Variants in UBA7 observed in about 807,000 individuals in gnomAD.
UBA7 encodes ubiquitin-like modifier-activating enzyme 7.
A neutral mutation model predicts 113.0 loss-of-function variants in UBA7; 88 were observed. The ratio of observed to expected loss-of-function variants is 0.78; its 90% CI spans 0.66 to 0.93. The LOEUF (loss-of-function observed/expected upper bound fraction) is 0.93, where lower values mean the gene tolerates loss of function less well. Ranked by LOEUF, UBA7 falls within the 40% of genes least tolerant of loss-of-function variation. The probability of loss-of-function intolerance (pLI) is 0.00; values close to 1 mark genes in which losing one functional copy is unlikely to be tolerated. For missense variants in UBA7, 1,092 were observed against 1,266.4 expected (o/e 0.86, Z 2.09); for synonymous variants, 459 against 513.0 (o/e 0.89, Z 1.42).
In UBA7 at chr3:49,807,942, A is replaced by G; in HGVS notation, c.2524-15T>C. Reference sequence around the variant, plus strand: ...ATTCGCTTGCTCTGCCAAGGACAAGAGATTTGGTCTGGGCCCAAGGCGTAG... The same window carrying G: ...ATTCGCTTGCTCTGCCAAGGACAAGGGATTTGGTCTGGGCCCAAGGCGTAG... On this transcript the variant is annotated splice_polypyrimidine_tract_variant and intron_variant, in intron 20 of 23. Coordinates refer to ENST00000333486, the MANE Select transcript of UBA7 (RefSeq NM_003335.3). The surrounding 1 kb of genome is among the most constrained non-coding windows in gnomAD (Gnocchi z 4.0). 4.3e-6 allele frequency: 7 copies of G among 1,612,884 alleles called. No individual in the cohort carries two copies. Among genetic ancestry groups the G allele is most frequent in the Non-Finnish European group, 5.9e-6 (7 of 1,178,980 alleles).
intron 2 of UBA7, 36 bp from the exon 3 acceptor site, chr3:49,813,419 C>T (rs766982294): frequency 1.9e-6 from 3 of 1,609,852 alleles, no homozygotes; most frequent in Middle Eastern, 1.7e-4. Context: ...AGCAAAGACA[C>T]TCCTCTTGGG....
Position 49,812,738 on chromosome 3 carries a change from C to G in UBA7, c.468G>C (p.Gly156=). The G allele has an allele frequency of 6.2e-7, 1 of 1,614,108 alleles. No individual in the cohort carries two copies. Among genetic ancestry groups the G allele is most frequent in the Middle Eastern group, 1.7e-4 (1 of 6,060 alleles). ...CCTCACCAAAGTCACAGAACAACTG[C>G]CTGAGATGGGGTGGTAGGGGTCACT... ...FLAADTRGLV[G]QLFCDFGEDF... is the part of the protein sequence containing the mutation. The change falls in exon 5 of 24, where the codon GGG becomes GGC. Residue 156 remains glycine (G), a splice_region_variant and synonymous_variant. Coordinates refer to ENST00000333486, the MANE Select transcript of UBA7 (RefSeq NM_003335.3).
In UBA7 at chr3:49,813,638, C is replaced by T; in HGVS notation, c.66G>A (p.Leu22=). The T allele has an allele frequency of 6.2e-7, 1 of 1,614,210 alleles. No individual in the cohort carries two copies. The highest frequency in any genetic ancestry group is 8.5e-7 in the Non-Finnish European group (1 of 1,180,028). Residue 22 remains leucine (L), a synonymous_variant, in exon 2 of 24, where the codon CTG becomes CTA. Transcript: ENST00000333486. ...EELYSRQLYV[L]GSPAMQRIQG... ...GAATCCTCTGCATGGCAGGTGAGCC[C>T]AGCACATACCTGTGGATGGGAAGCA...
intron 23 of UBA7, 73 bp downstream of exon 23, chr3:49,805,824 A>C (rs2081438515): frequency 7.1e-7 from 1 of 1,405,600 alleles, no homozygotes; most frequent in African/African-American, 1.4e-5. Context: ...CTGGGAAGAC[A>C]AAAGGCAGTG....
rs748462270 is a variant in UBA7 at position 49,812,123 on chromosome 3, T to C, written c.778A>G (p.Lys260Glu). 5 of 1,614,088 alleles carry C rather than the reference T, an allele frequency of 3.1e-6. No individual in the cohort carries two copies. In the Admixed American group the frequency reaches 5.0e-5, roughly 16 times the overall value. ...CTTGCACTCACATGTCTCACAGTCT[T>C]GGGTCTCTTGACTTCAGTGATAGCC... ...GGAITEVKRP[K>E]TVRHKSLDTA... The change falls in exon 7 of 24, where the codon AAG becomes GAG. Residue 260 changes from lysine (K) to glutamate (E), a missense_variant. Lys to Glu is a moderately conservative substitution (Grantham distance 56). This residue lies in a region of UBA7 where 584 missense variants were observed against 714.5 expected (regional missense o/e 0.82). Transcript: ENST00000333486.
chr3:49,810,783 T>C lies in UBA7; in HGVS notation c.1280A>G (p.Gln427Arg). Reference sequence around the variant, plus strand: ...GTAGTGCTGGCGTCTCAGTTTCTCCTGAAAACCAGCCCCAAACACTGCAAT... The same window carrying C: ...GTAGTGCTGGCGTCTCAGTTTCTCCCGAAAACCAGCCCCAAACACTGCAAT... ...GQIAVFGAGF[Q>R]EKLRRQHYLL... The change falls in exon 11 of 24, where the codon CAG becomes CGG. Residue 427 changes from glutamine (Q) to arginine (R), a missense_variant. Gln to Arg is a conservative substitution (Grantham distance 43). Around this residue, in one of 3 missense-constraint regions of UBA7, gnomAD observed 584 missense variants for 714.5 expected, o/e 0.82. Coordinates refer to ENST00000333486, the MANE Select transcript of UBA7 (RefSeq NM_003335.3). The surrounding 1 kb of genome is among the most constrained non-coding windows in gnomAD (Gnocchi z 5.6). The C allele has an allele frequency of 6.2e-7, 1 of 1,614,134 alleles. No homozygotes were observed. The highest frequency in any genetic ancestry group is 8.5e-7 in the Non-Finnish European group (1 of 1,180,024).
Position 49,809,959 on chromosome 3 carries a change from T to A in UBA7, c.1839+19A>T. The A allele has an allele frequency of 6.2e-7, 1 of 1,612,930 alleles. No individual in the cohort carries two copies. Among genetic ancestry groups the A allele is most frequent in the Non-Finnish European group, 8.5e-7 (1 of 1,179,706 alleles). On this transcript the variant is annotated intron_variant, in intron 14 of 23. Coordinates refer to ENST00000333486, the MANE Select transcript of UBA7 (RefSeq NM_003335.3). ...AGGGCTGAGCTGGGTGGGGTGGGAG[T>A]CTCCAGGGTGCTTCCTACCTGCAGG...
chr3:49,809,498 C>G (rs1275526609), intron 16 of UBA7, 34 bp from the exon 17 acceptor site: 1 of 1,613,866 alleles, frequency 6.2e-7, no homozygotes, highest in South Asian at 1.1e-5. Flanking sequence ...TGGGCTCAGT[C>G]TGGTCCCCCT....
intron 23 of UBA7, 129 bp downstream of exon 23, chr3:49,805,768 T>G: frequency 4.4e-5 from 42 of 953,342 alleles, no homozygotes; most frequent in Non-Finnish European, 6.2e-5. Flanking sequence ...GCTGGCTCCA[T>G]TTGGGGAAAG....
In UBA7 at chr3:49,812,670, G is replaced by C. The variant is rs1376459252; in HGVS notation, c.536C>G (p.Ala179Gly). Residue 179 changes from alanine (A) to glycine (G), a missense_variant, in exon 5 of 24, where the codon GCT becomes GGT. By Grantham distance (60) the Ala-to-Gly change is moderately conservative (BLOSUM62 0). Coordinates refer to ENST00000333486, the MANE Select transcript of UBA7 (RefSeq NM_003335.3). ...CACCTGGGAGATGTGCTGGATGGCA[G>C]CTGTCAGGGGTTCTGCCTCTGTGGG... ...QDPTEAEPLTAAIQHISQGSP... is the reference protein window; with the variant it reads ...QDPTEAEPLTGAIQHISQGSP... 1 of 1,614,232 alleles carries C rather than the reference G, an allele frequency of 6.2e-7. No homozygotes were observed. The highest frequency in any genetic ancestry group is 8.5e-7 in the Non-Finnish European group (1 of 1,180,048).
chr3:49,807,749 G>T lies in UBA7; in HGVS notation c.2702C>A (p.Pro901Gln). The part of the protein sequence containing the change: ...NYLIRYMPFA[P>Q]AIQTFHHLKW... ...TCATGGGCTCACCGTCTGGATGGCT[G>T]GGGCAAAAGGCATATAGCGGATGAG... is the stretch of plus-strand genomic sequence containing the variant. The change falls in exon 21 of 24, where the codon CCA (proline) becomes CAA (glutamine). Residue 901 changes from proline (P) to glutamine (Q), a missense_variant. Coordinates refer to ENST00000333486, the MANE Select transcript of UBA7 (RefSeq NM_003335.3). This position sits in a 1 kb window ranked among gnomAD's most constrained non-coding sequence, Gnocchi z 4.0. 6.2e-7 allele frequency: 1 copy of T among 1,609,362 alleles called. No individual in the cohort carries two copies. Among genetic ancestry groups the T allele is most frequent in the East Asian group, 2.2e-5 (1 of 44,874 alleles).
rs374095678 is a variant in UBA7, at chr3:49,810,484, G to A, written c.1467+33C>T. On this transcript the variant is annotated intron_variant, in intron 12 of 23. Coordinates refer to ENST00000333486, the MANE Select transcript of UBA7 (RefSeq NM_003335.3). This position sits in a 1 kb window ranked among gnomAD's most constrained non-coding sequence, Gnocchi z 5.6. ...GAAGCTGTATGGGAGGACGGTCTGG[G>A]ATGCAGGAGTGTGGAGAGGGGTCAG... 9.9e-6 allele frequency: 16 copies of A among 1,613,932 alleles called. No individual in the cohort carries two copies. Among genetic ancestry groups the A allele is most frequent in the African/African-American group, 1.3e-5 (1 of 74,910 alleles).
chr3:49,811,226 G>A (rs373670043), intron 9 of UBA7, 47 bp downstream of exon 9: 143 of 1,610,496 alleles, frequency 8.9e-5, no homozygotes, highest in Non-Finnish European at 1.1e-4. Context: ...CACACACACT[G>A]ATCTCCACAT....
In UBA7 at chr3:49,805,962, GT is replaced by G; in HGVS notation, c.2843del (p.His948ProfsTer24). On this transcript the variant is annotated frameshift_variant, in exon 23 of 24. Coordinates refer to ENST00000333486, the MANE Select transcript of UBA7 (RefSeq NM_003335.3). LOFTEE classifies it high-confidence loss of function. ...CGGCCGCATAGAGCAGGGCTGAGCCGTGCAGCAGGATCCTCACCCTCAACCC... is the reference window on the plus strand; with the variant it reads ...CGGCCGCATAGAGCAGGGCTGAGCCGGCAGCAGGATCCTCACCCTCAACCC... The part of the protein sequence containing the change: ...QHGLRVRILL[H>X]GSALLYAAGW... 6.4e-7 allele frequency: 1 copy of G among 1,566,414 alleles called. No homozygotes were observed. The highest frequency in any genetic ancestry group is 8.7e-7 in the Non-Finnish European group (1 of 1,155,444).
In UBA7 at chr3:49,810,618, G is replaced by A. The variant is rs201061143; in HGVS notation, c.1366C>T (p.Leu456=). 6.2e-7 allele frequency: 1 copy of A among 1,614,042 alleles called. No homozygotes were observed. The highest frequency in any genetic ancestry group is 8.5e-7 in the Non-Finnish European group (1 of 1,180,030). ...AAGCCCCCGCTGTTCCCGGCCCCCA[G>A]TCCCACTAGGGCAAAGACTTTGAGC... ...ELLKVFALVG[L]GAGNSGGLTV... Residue 456 remains leucine (L), a synonymous_variant, in exon 12 of 24, where the codon CTG becomes TTG. Transcript: ENST00000333486. The surrounding 1 kb of genome is among the most constrained non-coding windows in gnomAD (Gnocchi z 5.6).
Position 49,811,031 on chromosome 3 carries a change from G to A in UBA7, c.1183C>T (p.Leu395Phe). 6.2e-7 allele frequency: 1 copy of A among 1,614,114 alleles called. No homozygotes were observed. Among genetic ancestry groups the A allele is most frequent in the Non-Finnish European group, 8.5e-7 (1 of 1,180,010 alleles). Residue 395 changes from leucine (L) to phenylalanine (F), a missense_variant, in exon 10 of 24, where the codon CTT (leucine) becomes TTT (phenylalanine). Transcript: ENST00000333486. ...QWLYFDALDC[L>F]PEDGELLPSP... ...GGAAGGAGCTCCCCATCTTCCGGAA[G>A]ACAATCGAGGGCATCAAAGTAAAGC...
At position 49,810,988 on chromosome 3, in the gene UBA7, G is replaced by T; in HGVS notation, c.1226C>A (p.Ala409Asp). 6 of 1,613,990 alleles carry T rather than the reference G, an allele frequency of 3.7e-6. No homozygotes were observed. The highest frequency in any genetic ancestry group is 4.2e-6 in the Non-Finnish European group (5 of 1,179,904). Reference sequence around the variant, plus strand: ...ACCCCTATCCCAGGCTCTCACCAGGGCACAGTCCTCAGGACTGGGAAGGAG... The same window carrying T: ...ACCCCTATCCCAGGCTCTCACCAGGTCACAGTCCTCAGGACTGGGAAGGAG... ...GELLPSPEDC[A>D]LRGSRYDGQI... is the part of the protein sequence containing the mutation. The change falls in exon 10 of 24, where the codon GCC becomes GAC. Residue 409 changes from alanine (A) to aspartate (D), a missense_variant. Transcript: ENST00000333486. The surrounding 1 kb of genome is among the most constrained non-coding windows in gnomAD (Gnocchi z 5.6).
Position 49,810,087 on chromosome 3 carries a change from T to C in UBA7, c.1730A>G (p.His577Arg). The change falls in exon 14 of 24, where the codon CAT becomes CGT. Residue 577 changes from histidine to arginine, a missense_variant. Physicochemically the swap from His to Arg is conservative, Grantham distance 29. This residue lies in a region of UBA7 where 8 missense variants were observed against 22.5 expected (regional missense o/e 0.36). Transcript: ENST00000333486. This position sits in a 1 kb window ranked among gnomAD's most constrained non-coding sequence, Gnocchi z 5.6. ...TWGSATVFMP[H>R]VTEAYRAPAS... ...AGGGGCTCTGTAGGCCTCAGTCACATGTGGCATGAATACTGTAGCACTGCC... is the reference window on the plus strand; with the variant it reads ...AGGGGCTCTGTAGGCCTCAGTCACACGTGGCATGAATACTGTAGCACTGCC... 1 of 1,613,240 alleles carries C rather than the reference T, an allele frequency of 6.2e-7. No homozygotes were observed. Among genetic ancestry groups the C allele is most frequent in the Admixed American group, 1.7e-5 (1 of 60,002 alleles).
chr3:49,811,797 T>C, intron 8 of UBA7, 73 bp downstream of exon 8: 1 of 1,589,158 alleles, frequency 6.3e-7, no homozygotes, highest in Non-Finnish European at 8.6e-7. Context: ...TTGTGAATGG[T>C]CATTGTTGCC....
Sources: gnomAD v4.1 joint callset for allele counts on GRCh38, gnomAD v4.1.1 for gene constraint, gnomAD v4.1.1 regional missense constraint, Gnocchi (gnomAD v3.1) non-coding constraint, MANE v1.5 for transcripts, NCBI Gene and HGNC (gene_info 2026-07-23, HGNC 2026-07-21) for gene names.